Variants in ATP10B observed in about 807,000 individuals in gnomAD.
The protein encoded by ATP10B is phospholipid-transporting ATPase VB.
A neutral mutation model predicts 141.2 loss-of-function variants in ATP10B; 122 were observed. That is an observed-to-expected ratio of 0.86 (90% CI 0.75 to 1.00). The LOEUF (loss-of-function observed/expected upper bound fraction) is 1.00. Among genes scored for constraint, ATP10B ranks in the 50% least tolerant of loss-of-function variants. The probability of loss-of-function intolerance (pLI) is 0.00; values close to 1 mark genes in which losing one functional copy is unlikely to be tolerated. For missense variants in ATP10B, 1,876 were observed against 1,825.3 expected (o/e 1.03, Z -0.51); for synonymous variants, 685 against 692.0 (o/e 0.99, Z 0.16).
chr5:160,817,992 A>C (rs899935458), intron 1 of ATP10B, among the ~76,000 whole-genome samples: 1 of 152,228 alleles, frequency 6.6e-6, no homozygotes, highest in Non-Finnish European at 1.5e-5. Context: ...TTATACAAAA[A>C]TTAATTCAAG....
At chr5:160,635,010 C>A (rs1333184374) in intron 11 of ATP10B, among the ~76,000 whole-genome samples, 1 of 152,226 alleles carries the variant, frequency 6.6e-6, no homozygotes, top group Non-Finnish European at 1.5e-5. Context: ...GCTTGCTGTG[C>A]ATTTGATGCT....
chr5:160,863,971 A>G, the ATP10B span, among the ~76,000 whole-genome samples: 1 of 152,034 alleles, frequency 6.6e-6, no homozygotes. Flanking sequence ...TGCCAACAAA[A>G]AAGTGCAGAA....
rs1029142559 is a variant in ATP10B, at chr5:160,565,523, C to T, written c.4316G>A (p.Gly1439Glu). Residue 1439 changes from glycine to glutamate, a missense_variant, in exon 26 of 26, where the codon GGA becomes GAA. Transcript: ENST00000327245. The part of the protein sequence containing the change: ...GPNRIMAYSR[G>E]QTDMCRCSKR... ...TGAGCACCGGCACATATCAGTCTGT[C>T]CTCTTGAGTAGGCCATTATCCTGTT... 8 of 1,613,990 alleles carry T rather than the reference C, an allele frequency of 5.0e-6. No individual in the cohort carries two copies. In the African/African-American group the frequency reaches 9.3e-5, roughly 19 times the overall value.
chr5:160,818,629 T>C (rs1210089018), intron 1 of ATP10B, among the ~76,000 whole-genome samples: 2 of 152,198 alleles, frequency 1.3e-5, no homozygotes, highest in South Asian at 2.1e-4. Flanking sequence ...TACCATTTGA[T>C]CCAGCCATCC....
chr5:160,633,881 T>C (rs376655733), intron 12 of ATP10B: 28 of 293,984 alleles, frequency 9.5e-5, no homozygotes, highest in African/African-American at 5.9e-4. Flanking sequence ...ATCAAAACTT[T>C]GCCTCAGTGA....
At chr5:160,622,899 A>G (rs564465850) in intron 13 of ATP10B, among the ~76,000 whole-genome samples, 2 of 151,256 alleles carry the variant, frequency 1.3e-5, no homozygotes, top group Non-Finnish European at 2.9e-5. Flanking sequence ...CTAAACTAAT[A>G]CTGTTGCCTC....
intron 7 of ATP10B, among the ~76,000 whole-genome samples, chr5:160,653,009 ATATT>A (rs1295192560): frequency 9.3e-6 from 1 of 107,160 alleles, no homozygotes; most frequent in African/African-American, 3.6e-5. Flanking sequence ...TATATTATAT[ATATT>A]TATATTATAT....
At chr5:160,722,044 AAAT>A (rs1316741161) in intron 2 of ATP10B, among the ~76,000 whole-genome samples, 5 of 152,194 alleles carry the variant, frequency 3.3e-5, no homozygotes, top group Non-Finnish European at 7.3e-5. Flanking sequence ...GGATTCCATG[AAAT>A]AATATTTTTA....
At chr5:160,700,915 C>T (rs1051067088) in intron 3 of ATP10B, among the ~76,000 whole-genome samples, 2 of 152,142 alleles carry the variant, frequency 1.3e-5, no homozygotes, top group African/African-American at 2.4e-5. Context: ...GGAATGGCAA[C>T]CCTACCCTTT....
chr5:160,890,396 C>T, the ATP10B span, among the ~76,000 whole-genome samples: 1 of 152,110 alleles, frequency 6.6e-6, no homozygotes, highest in Non-Finnish European at 1.5e-5. Context: ...CTAGTTTTAG[C>T]ATTTTTATCC....
Position 160,598,770 on chromosome 5 carries a change from C to G in ATP10B, c.3564G>C (p.Glu1188Asp). The change falls in exon 22 of 26, where the codon GAG becomes GAC. Residue 1188 changes from glutamate to aspartate, a missense_variant and splice_region_variant. Glu to Asp is a conservative substitution (Grantham distance 45, BLOSUM62 2). Coordinates refer to ENST00000327245, the MANE Select transcript of ATP10B (RefSeq NM_025153.3). ...CCCTTTGGCTGCCCGATCTCCTTAC[C>G]TCAGAGTTCTGGCCACTCTTGTATA... ...PELYKSGQNSECYNLSTFWIS... is the reference protein window; with the variant it reads ...PELYKSGQNSDCYNLSTFWIS... 1.2e-6 allele frequency: 2 copies of G among 1,613,958 alleles called. No individual in the cohort carries two copies. The highest frequency in any genetic ancestry group is 2.7e-5 in the African/African-American group (2 of 75,036).
At chr5:160,783,562 TACAC>T (rs57796332) in intron 2 of ATP10B, among the ~76,000 whole-genome samples, 1,410 of 131,160 alleles carry the variant, frequency 0.011, 9 homozygotes, top group Middle Eastern at 0.027. Context: ...ATATATATGA[TACAC>T]ACACACACAC....
intron 2 of ATP10B, among the ~76,000 whole-genome samples, chr5:160,757,556 T>C (rs1173873273): frequency 6.6e-6 from 1 of 152,354 alleles, no homozygotes; most frequent in East Asian, 1.9e-4. Flanking sequence ...TAATTGAAAT[T>C]GGAGCTAAGT....
At chr5:160,588,576 G>A (rs1460125282) in intron 24 of ATP10B, among the ~76,000 whole-genome samples, 1 of 152,144 alleles carries the variant, frequency 6.6e-6, no homozygotes, top group Admixed American at 6.5e-5. Flanking sequence ...TACACTATTA[G>A]CATGGATGTT....
the ATP10B span, among the ~76,000 whole-genome samples, chr5:160,893,926 G>T: frequency 2.0e-5 from 3 of 152,158 alleles, no homozygotes; most frequent in African/African-American, 7.2e-5. Context: ...CCTCCAGCAA[G>T]CTCCAGCAGA....
chr5:160,828,267 A>T (rs961944378), intron 1 of ATP10B, among the ~76,000 whole-genome samples: 17 of 152,208 alleles, frequency 1.1e-4, no homozygotes, highest in African/African-American at 4.1e-4. Flanking sequence ...ATCAGAGTGA[A>T]CAGGCAACCT....
intron 2 of ATP10B, among the ~76,000 whole-genome samples, chr5:160,755,737 C>T (rs1581470372): frequency 7.0e-6 from 1 of 142,504 alleles, no homozygotes; most frequent in South Asian, 2.2e-4. Context: ...ATGGCGTGAA[C>T]TCGGGAGGCG....
intron 1 of ATP10B, among the ~76,000 whole-genome samples, chr5:160,796,077 C>A: frequency 6.6e-6 from 1 of 152,208 alleles, no homozygotes; most frequent in East Asian, 1.9e-4. Flanking sequence ...ACCACACCAA[C>A]TCTAAGAACT....
intron 17 of ATP10B, among the ~76,000 whole-genome samples, chr5:160,615,112 GCA>G: frequency 6.6e-6 from 1 of 152,240 alleles, no homozygotes; most frequent in Admixed American, 6.5e-5. Context: ...TTTTTGTAAA[GCA>G]CAGATCTGTC....
Sources: allele counts gnomAD v4.1 joint callset (sites outside exome capture counted in the v4.1 genomes callset), GRCh38; gene constraint gnomAD v4.1.1; transcripts MANE v1.5; gene names NCBI Gene and HGNC (gene_info 2026-07-23, HGNC 2026-07-21).